Variants in RNF150 observed in about 807,000 individuals in gnomAD.
RNF150 encodes ring finger protein 150.
A neutral mutation model predicts 39.3 loss-of-function variants in RNF150; 24 were observed. The observed-to-expected ratio is 0.61, with a 90% CI of 0.44 to 0.86. The LOEUF (loss-of-function observed/expected upper bound fraction) is 0.86. RNF150 is among the 40% of genes least tolerant of loss of function. The probability of loss-of-function intolerance (pLI) is 0.00; values close to 1 mark genes in which losing one functional copy is unlikely to be tolerated. For missense variants in RNF150, 502 were observed against 587.8 expected (o/e 0.85, Z 1.51); for synonymous variants, 255 against 227.3 (o/e 1.12, Z -1.10).
chr4:140,899,806 T>A (rs1730107919), intron 6 of RNF150, among the ~76,000 whole-genome samples: 1 of 143,042 alleles, frequency 7.0e-6, no homozygotes, highest in Non-Finnish European at 1.5e-5. Context: ...TATTTTCTTT[T>A]CTCCAGAAGT....
Position 140,868,184 on chromosome 4 carries a change from C to A in RNF150, c.*77G>T. The A allele has an allele frequency of 1.2e-6, 1 of 834,694 alleles. No homozygotes were observed. Among genetic ancestry groups the A allele is most frequent in the Non-Finnish European group, 2.1e-6 (1 of 481,660 alleles). 51.7% of individuals were successfully genotyped at this position (834,694 alleles called of 1,614,324 possible). ...AAGGTGATCTGGAGGTGTGTGTGTG[C>A]CTGGTCCAAGTCTTGGAGCACTCTT... On this transcript the variant is annotated 3_prime_UTR_variant, in exon 7 of 7. Coordinates refer to ENST00000515673, the MANE Select transcript of RNF150 (RefSeq NM_020724.2).
intron 1 of RNF150, among the ~76,000 whole-genome samples, chr4:141,126,447 G>A (rs1726757777): frequency 6.6e-6 from 1 of 152,152 alleles, no homozygotes; most frequent in Non-Finnish European, 1.5e-5. Context: ...TTATGAATTT[G>A]TTTTTCCTGT....
chr4:141,206,333 T>G (rs1475420403), intron 1 of RNF150, among the ~76,000 whole-genome samples: 1 of 149,036 alleles, frequency 6.7e-6, no homozygotes, highest in African/African-American at 2.5e-5. Context: ...ACAGGAGAAT[T>G]GCTGGAACCT....
chr4:141,097,559 G>T (rs1738841500), intron 1 of RNF150, among the ~76,000 whole-genome samples: 1 of 149,740 alleles, frequency 6.7e-6, no homozygotes, highest in Non-Finnish European at 1.5e-5. Context: ...TGGTAATTTT[G>T]ATTCCATGAG....
intron 1 of RNF150, among the ~76,000 whole-genome samples, chr4:141,105,452 T>C (rs1169836725): frequency 6.6e-6 from 1 of 152,204 alleles, no homozygotes; most frequent in Non-Finnish European, 1.5e-5. Context: ...TAGGTTTCCA[T>C]AATTTAACTT....
intron 2 of RNF150, 91 bp from the exon 3 acceptor site, chr4:140,949,463 C>T (rs1732456858): frequency 1.9e-6 from 2 of 1,078,786 alleles, no homozygotes; most frequent in Non-Finnish European, 1.4e-6. Flanking sequence ...GCAGCTAGCT[C>T]TGAAATCATG....
intron 6 of RNF150, among the ~76,000 whole-genome samples, chr4:140,899,988 G>A (rs981837160): frequency 2.1e-5 from 2 of 96,202 alleles, no homozygotes; most frequent in African/African-American, 7.5e-5. Flanking sequence ...GTGTGTGTGT[G>A]TGTGTGTGTG....
chr4:141,030,805 G>A (rs1451291470), intron 1 of RNF150, among the ~76,000 whole-genome samples: 2 of 152,018 alleles, frequency 1.3e-5, no homozygotes, highest in Non-Finnish European at 2.9e-5. Context: ...AGGGGATAGG[G>A]GAGAGGAGCA....
intron 1 of RNF150, among the ~76,000 whole-genome samples, chr4:141,145,259 C>G (rs1429206596): frequency 6.6e-6 from 1 of 152,092 alleles, no homozygotes; most frequent in Non-Finnish European, 1.5e-5. Context: ...TACAAAATGT[C>G]TTCAAAGTGT....
At chr4:140,930,884 T>C (rs1731605346) in intron 4 of RNF150, among the ~76,000 whole-genome samples, 2 of 152,166 alleles carry the variant, frequency 1.3e-5, no homozygotes, top group Non-Finnish European at 2.9e-5. Flanking sequence ...AGCATCACAG[T>C]CATTTAGCGA....
chr4:141,018,539 T>C (rs1402559938), intron 1 of RNF150, among the ~76,000 whole-genome samples: 1 of 152,172 alleles, frequency 6.6e-6, no homozygotes, highest in Non-Finnish European at 1.5e-5. Flanking sequence ...TTTGTTTATA[T>C]CATAAACAGT....
rs146085757 is a variant in RNF150, at chr4:140,995,655, G to A, written c.485-27782C>T. On this transcript the variant is annotated intron_variant, in intron 1 of 6. Transcript: ENST00000515673. Reference sequence around the variant, plus strand: ...AACCCTGCCTCTGGAGTTGTGTCCCGCCTCCTATCTCATCTCCATGAGTTC... The same window carrying A: ...AACCCTGCCTCTGGAGTTGTGTCCCACCTCCTATCTCATCTCCATGAGTTC... Among the ~76,000 whole-genome samples the A allele has an allele frequency of 2.6e-3, 392 of 152,150 alleles. 2 individuals are homozygous for A. The highest frequency in any genetic ancestry group is 9.0e-3 in the African/African-American group (374 of 41,514).
chr4:141,137,600 G>A (rs1053822411), upstream of RNF150, among the ~76,000 whole-genome samples: 6 of 152,186 alleles, frequency 3.9e-5, no homozygotes, highest in African/African-American at 1.2e-4. Flanking sequence ...GGAAAGAATC[G>A]AGAGTTTGGA....
intron 6 of RNF150, among the ~76,000 whole-genome samples, chr4:140,907,015 T>C (rs571212972): frequency 1.4e-4 from 22 of 152,324 alleles, no homozygotes; most frequent in South Asian, 8.3e-4. Flanking sequence ...GAAGGGATAA[T>C]AAAGTCATCT....
At chr4:141,048,063 G>A (rs1284750702) in intron 1 of RNF150, among the ~76,000 whole-genome samples, 1 of 152,128 alleles carries the variant, frequency 6.6e-6, no homozygotes, top group East Asian at 1.9e-4. Context: ...AACAAACAGG[G>A]GTTGTGTCCC....
intron 1 of RNF150, among the ~76,000 whole-genome samples, chr4:141,210,912 ACTT>A (rs34401274): frequency 0.22 from 33,530 of 151,908 alleles, 3,898 homozygotes; most frequent in South Asian, 0.32. Context: ...TTTCAGGAAA[ACTT>A]CTTGACAGAG....
chr4:140,990,563 G>A (rs749579690), intron 1 of RNF150, among the ~76,000 whole-genome samples: 40 of 151,982 alleles, frequency 2.6e-4, no homozygotes, highest in Non-Finnish European at 3.7e-4. Flanking sequence ...TTCAGCTCCC[G>A]CTAATAAGTG....
chr4:141,173,838 A>C (rs1027769610), intron 1 of RNF150, among the ~76,000 whole-genome samples: 25 of 152,260 alleles, frequency 1.6e-4, no homozygotes, highest in African/African-American at 5.5e-4. Context: ...AAATATTTCA[A>C]GTAAAAAGTG....
chr4:141,168,049 C>T (rs1051051274), intron 1 of RNF150, among the ~76,000 whole-genome samples: 1 of 152,080 alleles, frequency 6.6e-6, no homozygotes, highest in African/African-American at 2.4e-5. Context: ...ACCCATCTGA[C>T]AAAGGGCTAA....
Sources: gnomAD v4.1 joint callset for allele counts (sites outside exome capture counted in the v4.1 genomes callset) on GRCh38, gnomAD v4.1.1 for gene constraint, MANE v1.5 for transcripts, NCBI Gene and HGNC (gene_info 2026-07-23, HGNC 2026-07-21) for gene names.